DFFA: variants seen among roughly 807,000 people sequenced by gnomAD.
DFFA encodes DNA fragmentation factor subunit alpha, also known as DFF45.
Under a neutral mutation model 28.0 loss-of-function variants are expected in DFFA, and 14 were observed. That is an observed-to-expected ratio of 0.50 (90% CI 0.33 to 0.78). The LOEUF is 0.78. DFFA is among the 30% of genes least tolerant of loss of function. The probability of loss-of-function intolerance (pLI) is 0.02; values close to 1 mark genes in which losing one functional copy is unlikely to be tolerated. For synonymous variants in DFFA, 158 were observed against 170.3 expected, an observed-to-expected ratio of 0.93 and a Z score of 0.56; for missense variants, 395 against 407.1, an observed-to-expected ratio of 0.97 and a Z score of 0.26.
In DFFA at chr1:10,469,160, T is replaced by A. The variant is rs375651747; in HGVS notation, c.298+17A>T. 6 of 1,613,532 alleles carry A rather than the reference T, an allele frequency of 3.7e-6. No homozygotes were observed. In the African/African-American group the frequency reaches 8.0e-5, roughly 22 times the overall value. ...TGTACTGCATAGGCCGTTTTATACA[T>A]GGCTAGAGTTTCTTACCTGAATTGT... On this transcript the variant is annotated intron_variant, in intron 2 of 5. Coordinates refer to ENST00000377038, the MANE Select transcript of DFFA (RefSeq NM_004401.3).
In DFFA at chr1:10,458,194, G is replaced by C. The variant is rs536275069; in HGVS notation, c.*3296C>G. ...CCTCTGTCGGATGCACAGCGATTCC[G>C]TGTGTAAGTGCAAGCATCTGACAGT... On this transcript the variant is annotated 3_prime_UTR_variant, in exon 6 of 6. Coordinates refer to ENST00000377038, the MANE Select transcript of DFFA (RefSeq NM_004401.3). 1 of 152,310 alleles carries C rather than the reference G, an allele frequency of 6.6e-6. No individual in the cohort carries two copies. The highest frequency in any genetic ancestry group is 1.5e-5 in the Non-Finnish European group (1 of 68,026). The allele number at this position is 152,310 out of a possible 1,614,324, so 9.4% of individuals were successfully genotyped here. A position where few individuals can be genotyped will look rare whatever the true frequency, so the allele number is the denominator to read the frequency against.
At position 10,461,345 on chromosome 1, in the gene DFFA, C is replaced by T. The variant is rs1014529550; in HGVS notation, c.*145G>A. 1.8e-4 allele frequency: 252 copies of T among 1,381,248 alleles called. No homozygotes were observed. Among genetic ancestry groups the T allele is most frequent in the Admixed American group, 3.7e-4 (13 of 35,036 alleles). The allele number at this position is 1,381,248 out of a possible 1,614,324, so 85.6% of individuals were successfully genotyped here. ...GCTAAAAAAAAAATTGGTGGAACGG[C>T]GTATGTTGAGACCTGGAATAGCTTC... On this transcript the variant is annotated 3_prime_UTR_variant, in exon 6 of 6. Transcript: ENST00000377038.
chr1:10,467,132 C>T, intron 3 of DFFA, 58 bp downstream of exon 3: 1 of 1,601,464 alleles, frequency 6.2e-7, no homozygotes, highest in Non-Finnish European at 8.5e-7. Flanking sequence ...TAAGAAGGTG[C>T]TGGGGCGGGG....
At chr1:10,467,412 C>T in intron 2 of DFFA, 80 bp from the exon 3 acceptor site, 1 of 1,468,370 alleles carries the variant, frequency 6.8e-7, no homozygotes, top group Non-Finnish European at 9.5e-7. Context: ...ACACAGACCT[C>T]TTGAGGATCT....
intron 3 of DFFA, among the ~76,000 whole-genome samples, chr1:10,466,296 G>C (rs1295440174): frequency 6.6e-6 from 1 of 152,082 alleles, no homozygotes; most frequent in African/African-American, 2.4e-5. Flanking sequence ...CGATTCTTCT[G>C]CCTCAGCATC....
chr1:10,458,452 G>A lies in DFFA; in HGVS notation c.*3038C>T, dbSNP rs929497260. 1 of 151,646 alleles carries A rather than the reference G, an allele frequency of 6.6e-6. No individual in the cohort carries two copies. The highest frequency in any genetic ancestry group is 1.5e-5 in the Non-Finnish European group (1 of 67,962). 9.4% of individuals were successfully genotyped at this position (151,646 alleles called of 1,614,324 possible). A position where few individuals can be genotyped will look rare whatever the true frequency, so the allele number is the denominator to read the frequency against. On this transcript the variant is annotated 3_prime_UTR_variant, in exon 6 of 6. Coordinates refer to ENST00000377038, the MANE Select transcript of DFFA (RefSeq NM_004401.3). ...TGAGTAGAAGATCTAAGCCCTTCTT[G>A]AATCACAGGAAAAGGAAACAGTTGT...
rs1041377655 is a variant in DFFA, at chr1:10,472,511, G to A, written c.-53C>T. On this transcript the variant is annotated 5_prime_UTR_variant, in exon 1 of 6. Coordinates refer to ENST00000377038, the MANE Select transcript of DFFA (RefSeq NM_004401.3). The surrounding 1 kb of genome is among the most constrained non-coding windows in gnomAD (Gnocchi z 5.0). The stretch of plus-strand genomic sequence containing the variant: ...TCGAGAAGTCGCGGGAGGCCGGAGC[G>A]GCGGTCCTTCTACTCGACCCCCTTC... The A allele has an allele frequency of 2.7e-5, 42 of 1,541,852 alleles. No individual in the cohort carries two copies. Among genetic ancestry groups the A allele is most frequent in the Non-Finnish European group, 3.5e-5 (40 of 1,136,758 alleles).
chr1:10,456,789 G>A lies in DFFA; in HGVS notation c.*4701C>T, dbSNP rs1440713072. 1 of 152,202 alleles carries A rather than the reference G, an allele frequency of 6.6e-6. No homozygotes were observed. Among genetic ancestry groups the A allele is most frequent in the East Asian group, 1.9e-4 (1 of 5,190 alleles). 9.4% of individuals were successfully genotyped at this position (152,202 alleles called of 1,614,324 possible). A position where few individuals can be genotyped will look rare whatever the true frequency, so the allele number is the denominator to read the frequency against. On this transcript the variant is annotated 3_prime_UTR_variant, in exon 6 of 6. Transcript: ENST00000377038. The stretch of plus-strand genomic sequence containing the variant: ...GCTGAAATAATGGAATATGGCTAAT[G>A]TAAAGTTCATTAGTCCCAGCTGCTT...
rs970883708 is a variant in DFFA at position 10,456,780 on chromosome 1, A to G, written c.*4710T>C. On this transcript the variant is annotated 3_prime_UTR_variant, in exon 6 of 6. Transcript: ENST00000377038. The stretch of plus-strand genomic sequence containing the variant: ...TTGACTTAAGCTGAAATAATGGAAT[A>G]TGGCTAATGTAAAGTTCATTAGTCC... 2 of 152,214 alleles carry G rather than the reference A, an allele frequency of 1.3e-5. No homozygotes were observed. Among genetic ancestry groups the G allele is most frequent in the African/African-American group, 4.8e-5 (2 of 41,460 alleles). The allele number at this position is 152,214 out of a possible 1,614,324, so 9.4% of individuals were successfully genotyped here.
At position 10,472,302 on chromosome 1, in the gene DFFA, C is replaced by G; in HGVS notation, c.136+21G>C. 6.4e-7 allele frequency: 1 copy of G among 1,564,318 alleles called. No individual in the cohort carries two copies. The highest frequency in any genetic ancestry group is 8.7e-7 in the Non-Finnish European group (1 of 1,149,768). On this transcript the variant is annotated intron_variant, in intron 1 of 5. Transcript: ENST00000377038. The surrounding 1 kb of genome is among the most constrained non-coding windows in gnomAD (Gnocchi z 5.0). Reference sequence around the variant, plus strand: ...CCCGGCCCTGGCTCCCCCACACCCTCGCCCGGGGTCCCGAGCCAACCCTTG... The same window carrying G: ...CCCGGCCCTGGCTCCCCCACACCCTGGCCCGGGGTCCCGAGCCAACCCTTG...
At chr1:10,462,050 G>A (rs768594778) in intron 5 of DFFA, among the ~76,000 whole-genome samples, 10 of 152,166 alleles carry the variant, frequency 6.6e-5, no homozygotes, top group Admixed American at 2.0e-4. Flanking sequence ...AGTAGAGACG[G>A]GGTTTCACCG....
At chr1:10,464,588 G>A (rs1486180283) in intron 3 of DFFA, among the ~76,000 whole-genome samples, 3 of 152,022 alleles carry the variant, frequency 2.0e-5, no homozygotes, top group Non-Finnish European at 4.4e-5. Flanking sequence ...GGTGGAGTAC[G>A]CCTGTGGTCC....
chr1:10,467,445 A>C (rs540059103), intron 2 of DFFA, 113 bp from the exon 3 acceptor site: 1 of 1,174,290 alleles, frequency 8.5e-7, no homozygotes, highest in South Asian at 1.3e-5. Flanking sequence ...ATGGGAAAGA[A>C]GCATCTTATC....
At chr1:10,467,483 C>G in intron 2 of DFFA, 151 bp from the exon 3 acceptor site, 1 of 817,370 alleles carries the variant, frequency 1.2e-6, no homozygotes. Context: ...GGTCAATATC[C>G]ATCCAGGACC....
chr1:10,465,797 T>G (rs1342254296), intron 3 of DFFA, among the ~76,000 whole-genome samples: 1 of 151,862 alleles, frequency 6.6e-6, no homozygotes, highest in Non-Finnish European at 1.5e-5. Context: ...GCTCAAGTGA[T>G]CCTTCTGCCT....
In DFFA at chr1:10,468,988, C is replaced by T. The variant is rs532240141; in HGVS notation, c.298+189G>A. 1.2e-4 allele frequency among the ~76,000 whole-genome samples: 18 copies of T among 152,276 alleles called. No homozygotes were observed. The East Asian group carries it at 1.5e-3, about 13-fold the overall frequency. On this transcript the variant is annotated intron_variant, in intron 2 of 5. Coordinates refer to ENST00000377038, the MANE Select transcript of DFFA (RefSeq NM_004401.3). ...TCCTGAGCTCAGGTGATCTGCCCAC[C>T]GTGCCTGGCCTCATTCATCTTTATC...
Position 10,463,073 on chromosome 1 carries a change from A to C in DFFA, c.768T>G (p.Ser256=). 1 of 1,614,126 alleles carries C rather than the reference A, an allele frequency of 6.2e-7. No homozygotes were observed. Among genetic ancestry groups the C allele is most frequent in the South Asian group, 1.1e-5 (1 of 91,076 alleles). ...TTCCGCCCACCTCCAAATCCTGACT[A>C]GATAAGCTCAGCTCTGGAGCCTGCT... is the stretch of plus-strand genomic sequence containing the variant. ...REKQAPELSL[S]SQDLELVTKE... is the part of the protein sequence containing the mutation. Residue 256 remains serine (S), a synonymous_variant, in exon 5 of 6, where the codon TCT becomes TCG. Coordinates refer to ENST00000377038, the MANE Select transcript of DFFA (RefSeq NM_004401.3).
intron 1 of DFFA, among the ~76,000 whole-genome samples, chr1:10,471,544 T>G (rs1641099065): frequency 6.6e-6 from 1 of 152,206 alleles, no homozygotes; most frequent in Non-Finnish European, 1.5e-5. Context: ...ATATGATTTC[T>G]GTTGGTGACT....
chr1:10,467,139 G>T (rs747270629), intron 3 of DFFA, 51 bp downstream of exon 3: 34 of 1,604,066 alleles, frequency 2.1e-5, no homozygotes, highest in Admixed American at 6.7e-5. Flanking sequence ...GTGCTGGGGC[G>T]GGGGGCAGAG....
Sources: gnomAD v4.1 joint callset for allele counts (sites outside exome capture counted in the v4.1 genomes callset) on GRCh38, gnomAD v4.1.1 for gene constraint, Gnocchi (gnomAD v3.1) non-coding constraint, MANE v1.5 for transcripts, NCBI Gene and HGNC (gene_info 2026-07-23, HGNC 2026-07-21) for gene names.